KCNMA1: variants seen among roughly 807,000 people sequenced by gnomAD.
The protein encoded by KCNMA1 is Calcium-activated potassium channel subunit alpha-1.
KCNMA1 carries 29 observed loss-of-function variants against 140.0 expected under a neutral mutation model. The ratio of observed to expected loss-of-function variants is 0.21; its 90% CI spans 0.15 to 0.28. The LOEUF (loss-of-function observed/expected upper bound fraction) is 0.28. KCNMA1 is among the 10% of genes least tolerant of loss of function. The probability of loss-of-function intolerance (pLI) is 1.00; values close to 1 mark genes in which losing one functional copy is unlikely to be tolerated. For missense variants in KCNMA1, 880 were observed against 1,602.2 expected, an observed-to-expected ratio of 0.55 and a Z score of 7.70; for synonymous variants, 612 against 611.9, an observed-to-expected ratio of 1.00 and a Z score of 0.00.
At chr10:77,557,121 G>A (rs1338866352) in intron 1 of KCNMA1, among the ~76,000 whole-genome samples, 1 of 152,232 alleles carries the variant, frequency 6.6e-6, no homozygotes, top group African/African-American at 2.4e-5. Flanking sequence ...AAGGTAGGAA[G>A]AATGCAAGGA....
intron 24 of KCNMA1, chr10:76,914,035 GAAGGAA>G (rs1197553152): frequency 1.3e-6 from 2 of 1,519,428 alleles, no homozygotes; most frequent in Non-Finnish European, 1.8e-6. Flanking sequence ...ATACTGATGT[GAAGGAA>G]AACAGTGCTT....
intron 1 of KCNMA1, among the ~76,000 whole-genome samples, chr10:77,544,070 T>C (rs1011660517): frequency 1.3e-5 from 2 of 152,054 alleles, no homozygotes; most frequent in African/African-American, 4.8e-5. Context: ...TTAATACTCT[T>C]TGTTAAAATT....
chr10:77,073,049 G>A (rs202173165), intron 14 of KCNMA1, 48 bp downstream of exon 14: 27 of 1,582,748 alleles, frequency 1.7e-5, no homozygotes, highest in Non-Finnish European at 1.3e-5. Flanking sequence ...TCAACCCCAC[G>A]ACAAATGGAA....
At chr10:77,318,469 C>T (rs2081456025) in intron 2 of KCNMA1, among the ~76,000 whole-genome samples, 1 of 152,122 alleles carries the variant, frequency 6.6e-6, no homozygotes, top group Non-Finnish European at 1.5e-5. Context: ...GGAGGCACAA[C>T]CAGAGGGCCC....
chr10:77,283,376 C>A (rs1353871177), intron 2 of KCNMA1, among the ~76,000 whole-genome samples: 1 of 152,210 alleles, frequency 6.6e-6, no homozygotes, highest in Non-Finnish European at 1.5e-5. Context: ...CAAGATCAGT[C>A]AGCCCATTGC....
chr10:77,392,000 G>A (rs553786587), intron 2 of KCNMA1, among the ~76,000 whole-genome samples: 1 of 151,030 alleles, frequency 6.6e-6, no homozygotes, highest in African/African-American at 2.4e-5. Context: ...GGAAAACCTG[G>A]GTAAGAAAAG....
chr10:77,466,294 A>T (rs2098011634), intron 1 of KCNMA1, among the ~76,000 whole-genome samples: 1 of 152,114 alleles, frequency 6.6e-6, no homozygotes, highest in Admixed American at 6.5e-5. Flanking sequence ...TGAGCCAAAC[A>T]CACTGTGCTA....
At chr10:77,486,595 T>C (rs540726010) in intron 1 of KCNMA1, among the ~76,000 whole-genome samples, 2 of 152,238 alleles carry the variant, frequency 1.3e-5, no homozygotes, top group Non-Finnish European at 2.9e-5. Context: ...CAAAGAACAG[T>C]GAGCTCTCCA....
chr10:77,331,861 A>G lies in KCNMA1; in HGVS notation c.540+72001T>C, dbSNP rs1397111793. On this transcript the variant is annotated intron_variant, in intron 2 of 27. Transcript: ENST00000286628. ...AAATAGGTAACCTGTCCCCTGTCCC[A>G]AATTGCCCTGGGGAGCACTGCAAAG... is the stretch of plus-strand genomic sequence containing the variant. Among the ~76,000 whole-genome samples, 4 of 152,164 alleles carry G rather than the reference A, an allele frequency of 2.6e-5. No homozygotes were observed. The East Asian group carries it at 7.7e-4, about 29-fold the overall frequency.
intron 5 of KCNMA1, among the ~76,000 whole-genome samples, chr10:77,149,490 T>A (rs192952463): frequency 8.5e-5 from 13 of 152,266 alleles, no homozygotes; most frequent in Non-Finnish European, 1.9e-4. Flanking sequence ...CAGTGTAGAG[T>A]GGCCTTCACT....
At chr10:77,477,215 A>C (rs1176604180) in intron 1 of KCNMA1, among the ~76,000 whole-genome samples, 1 of 152,222 alleles carries the variant, frequency 6.6e-6, no homozygotes, top group Non-Finnish European at 1.5e-5. Flanking sequence ...ACCCTCTGAG[A>C]AATGTCTGCA....
chr10:77,520,507 ACTCT>A (rs1448221731), intron 1 of KCNMA1, among the ~76,000 whole-genome samples: 1 of 151,948 alleles, frequency 6.6e-6, no homozygotes, highest in Non-Finnish European at 1.5e-5. Context: ...AGGTAGCAGC[ACTCT>A]CTAAGTATTA....
At chr10:77,183,951 A>C (rs1024508352) in intron 4 of KCNMA1, among the ~76,000 whole-genome samples, 1 of 152,170 alleles carries the variant, frequency 6.6e-6, no homozygotes, top group Non-Finnish European at 1.5e-5. Flanking sequence ...AAGATCAGGC[A>C]GTGTATTTTT....
In KCNMA1 at chr10:77,215,872, C is replaced by G. The variant is rs76740364; in HGVS notation, c.603-30956G>C. Among the ~76,000 whole-genome samples the G allele has an allele frequency of 3.1e-3, 469 of 151,252 alleles. 1 individual carries two copies. The highest frequency in any genetic ancestry group is 5.4e-3 in the Non-Finnish European group (363 of 67,800). On this transcript the variant is annotated intron_variant, in intron 3 of 27. Transcript: ENST00000286628. ...TGAGCAGTGAGCTTGCCCCTCCCCC[C>G]CACCTGTCTCTCTCTCTCTCCTCTC...
intron 14 of KCNMA1, among the ~76,000 whole-genome samples, chr10:77,072,548 A>T (rs757017409): frequency 3.9e-5 from 6 of 152,056 alleles, no homozygotes; most frequent in Non-Finnish European, 8.8e-5. Flanking sequence ...TCTCGGTGCA[A>T]AGGGCACTGC....
chr10:77,330,987 A>T (rs2086170499), intron 2 of KCNMA1, among the ~76,000 whole-genome samples: 2 of 152,124 alleles, frequency 1.3e-5, no homozygotes, highest in South Asian at 2.1e-4. Context: ...TATTATTACT[A>T]TGGTTAGGGG....
intron 3 of KCNMA1, among the ~76,000 whole-genome samples, chr10:77,249,075 G>T (rs115063349): frequency 2.7e-3 from 405 of 152,322 alleles, no homozygotes; most frequent in African/African-American, 9.2e-3. Context: ...GCTAAAGCTG[G>T]GATGAGGCTA....
At chr10:77,520,160 ATATGCAGTGTGAGGGCTGG>A (rs2052608166) in intron 1 of KCNMA1, among the ~76,000 whole-genome samples, 8 of 2,184 alleles carry the variant, frequency 3.7e-3, no homozygotes, top group Admixed American at 0.011. Flanking sequence ...GAGGTCTGGC[ATATGCAGTGTGAGGGCTGG>A]GGTATGCAGT....
intron 1 of KCNMA1, among the ~76,000 whole-genome samples, chr10:77,629,955 C>T (rs79267285): frequency 0.014 from 2,085 of 152,274 alleles, 41 homozygotes; most frequent in African/African-American, 0.047. Context: ...GGAAAAAGTC[C>T]CTGACAGTGT....
Sources: gnomAD v4.1 joint callset for allele counts (sites outside exome capture counted in the v4.1 genomes callset) on GRCh38, gnomAD v4.1.1 for gene constraint, MANE v1.5 for transcripts, NCBI Gene and HGNC (gene_info 2026-07-23, HGNC 2026-07-21) for gene names.